PARN: variants seen among roughly 807,000 people sequenced by gnomAD.
The protein encoded by PARN is poly(A)-specific ribonuclease PARN.
PARN carries 71 observed loss-of-function variants against 102.8 expected under a neutral mutation model. That is an observed-to-expected ratio of 0.69 (90% CI 0.57 to 0.84). The LOEUF (loss-of-function observed/expected upper bound fraction) is 0.84. Ranked by LOEUF, PARN falls within the 40% of genes least tolerant of loss-of-function variation. The pLI is 0.00. For missense variants in PARN, 782 were observed against 760.9 expected (o/e 1.03, Z -0.33); for synonymous variants, 261 against 252.9 (o/e 1.03, Z -0.30).
At chr16:14,534,356 C>A (rs1327957983) in intron 21 of PARN, among the ~76,000 whole-genome samples, 1 of 151,728 alleles carries the variant, frequency 6.6e-6, no homozygotes, top group Non-Finnish European at 1.5e-5. Flanking sequence ...GGCATATAAA[C>A]ATATGGTATC....
intron 21 of PARN, among the ~76,000 whole-genome samples, chr16:14,529,511 C>A (rs1250307503): frequency 6.6e-6 from 1 of 152,170 alleles, no homozygotes; most frequent in Non-Finnish European, 1.5e-5. Flanking sequence ...GGGCACACTG[C>A]AGCCACTTCC....
chr16:14,476,050 C>T (rs909855290), intron 22 of PARN, among the ~76,000 whole-genome samples: 3 of 151,596 alleles, frequency 2.0e-5, no homozygotes, highest in African/African-American at 7.3e-5. Context: ...TGAAGACAGT[C>T]AAAAACAAAA....
chr16:14,501,453 A>AAAAAAAAAAAAAAAAC (rs1964602455), intron 21 of PARN: 1 of 143,556 alleles, frequency 7.0e-6, no homozygotes. Context: ...AAAAAAAAAA[A>AAAAAAAAAAAAAAAAC]AAAAAAACAG....
chr16:14,626,022 A>G (rs957106489), intron 5 of PARN, among the ~76,000 whole-genome samples: 8 of 152,214 alleles, frequency 5.3e-5, no homozygotes, highest in African/African-American at 1.9e-4. Flanking sequence ...GTCAGCTACA[A>G]CACCTCTAGA....
At chr16:14,583,720 C>G (rs16963805) in intron 16 of PARN, among the ~76,000 whole-genome samples, 1 of 152,166 alleles carries the variant, frequency 6.6e-6, no homozygotes, top group Non-Finnish European at 1.5e-5. Context: ...TTTCAGGCTA[C>G]AACTAATGGC....
At chr16:14,486,491 T>G (rs1191481241) in intron 21 of PARN, among the ~76,000 whole-genome samples, 1 of 152,244 alleles carries the variant, frequency 6.6e-6, no homozygotes, top group Admixed American at 6.5e-5. Flanking sequence ...TTAATCTATT[T>G]AATGATATCT....
chr16:14,436,127 G>A lies in PARN; in HGVS notation c.*590C>T, dbSNP rs1960682285. 6.5e-6 allele frequency: 1 copy of A among 153,314 alleles called. No individual in the cohort carries two copies. Among genetic ancestry groups the A allele is most frequent in the Non-Finnish European group, 1.5e-5 (1 of 68,794 alleles). The allele number at this position is 153,314 out of a possible 1,614,324, so 9.5% of individuals were successfully genotyped here. A position where few individuals can be genotyped will look rare whatever the true frequency, so the allele number is the denominator to read the frequency against. On this transcript the variant is annotated 3_prime_UTR_variant, in exon 24 of 24. Coordinates refer to ENST00000437198, the MANE Select transcript of PARN (RefSeq NM_002582.4). ...TCTACATAAATATGCCCAAAGGCCA[G>A]GGCATACGGCAAGCCCTCTCATGGG...
intron 21 of PARN, among the ~76,000 whole-genome samples, chr16:14,547,039 G>C (rs1020655867): frequency 2.0e-5 from 3 of 151,160 alleles, no homozygotes; most frequent in Non-Finnish European, 4.4e-5. Context: ...GTTGCAGTGA[G>C]CCAAGATCGC....
chr16:14,493,129 A>G (rs1278845993), intron 21 of PARN, among the ~76,000 whole-genome samples: 1 of 152,208 alleles, frequency 6.6e-6, no homozygotes, highest in Non-Finnish European at 1.5e-5. Context: ...AAATTTCAAA[A>G]TTTTCCGAGA....
At chr16:14,532,850 C>CG (rs1009980766) in intron 21 of PARN, among the ~76,000 whole-genome samples, 1 of 149,836 alleles carries the variant, frequency 6.7e-6, no homozygotes, top group Non-Finnish European at 1.5e-5. Context: ...GCTGGCCGGG[C>CG]GGGGGGCTGA....
At chr16:14,512,032 T>G (rs957746695) in intron 21 of PARN, among the ~76,000 whole-genome samples, 2 of 152,124 alleles carry the variant, frequency 1.3e-5, no homozygotes, top group African/African-American at 4.8e-5. Flanking sequence ...TTCTGAAAAG[T>G]CTCTAGGGTC....
chr16:14,526,277 C>T (rs1275381288), intron 21 of PARN, among the ~76,000 whole-genome samples: 2 of 151,518 alleles, frequency 1.3e-5, no homozygotes, highest in African/African-American at 2.4e-5. Flanking sequence ...CCCGGGTTCA[C>T]GCCATTCTCC....
chr16:14,494,018 CGCCTATAT>C (rs1410563394), intron 21 of PARN, among the ~76,000 whole-genome samples: 1 of 152,072 alleles, frequency 6.6e-6, no homozygotes, highest in African/African-American at 2.4e-5. Context: ...TGCATGGGTC[CGCCTATAT>C]GCAGATTATT....
chr16:14,528,151 T>C (rs1966110331), intron 21 of PARN, among the ~76,000 whole-genome samples: 1 of 152,234 alleles, frequency 6.6e-6, no homozygotes. Context: ...ATAGCCCTAA[T>C]GAGTACAACT....
At chr16:14,487,497 C>T (rs1443463148) in intron 21 of PARN, among the ~76,000 whole-genome samples, 1 of 152,158 alleles carries the variant, frequency 6.6e-6, no homozygotes, top group Admixed American at 6.5e-5. Context: ...AGGAAGACAA[C>T]ATAAGATGTA....
intron 22 of PARN, among the ~76,000 whole-genome samples, chr16:14,464,375 G>A (rs567208861): frequency 6.4e-4 from 98 of 152,286 alleles, no homozygotes; most frequent in African/African-American, 2.3e-3. Flanking sequence ...ATGCAAGTGA[G>A]AAGAAAGTGG....
intron 23 of PARN, among the ~76,000 whole-genome samples, chr16:14,443,194 T>C (rs914166122): frequency 2.6e-5 from 4 of 152,216 alleles, no homozygotes; most frequent in Non-Finnish European, 4.4e-5. Context: ...AGTCCTTTCT[T>C]CCACTATTTT....
At chr16:14,628,125 G>A (rs761946270) in intron 3 of PARN, 47 bp downstream of exon 3, 1 of 1,050,170 alleles carries the variant, frequency 9.5e-7, no homozygotes, top group Admixed American at 1.8e-5. Flanking sequence ...TTAACATAAG[G>A]AAGACTAACA....
At chr16:14,565,023 C>T (rs1463912646) in intron 18 of PARN, 4 of 152,344 alleles carry the variant, frequency 2.6e-5, no homozygotes, top group African/African-American at 7.2e-5. Context: ...AACCGACCAG[C>T]AGCTCTACTG....
Sources: gnomAD v4.1 joint callset for allele counts (sites outside exome capture counted in the v4.1 genomes callset) on GRCh38, gnomAD v4.1.1 for gene constraint, MANE v1.5 for transcripts, NCBI Gene and HGNC (gene_info 2026-07-23, HGNC 2026-07-21) for gene names.